The following SLIT3 variants were observed in gnomAD, a reference collection of about 807,000 sequenced individuals.
SLIT3 encodes slit guidance ligand 3, also known as slit homolog 3 protein.
SLIT3 carries 68 observed loss-of-function variants against 184.0 expected under a neutral mutation model. The ratio of observed to expected loss-of-function variants is 0.37; its 90% confidence interval spans 0.30 to 0.45. The LOEUF (loss-of-function observed/expected upper bound fraction) is 0.45, where lower values mean the gene tolerates loss of function less well. Ranked by LOEUF, SLIT3 falls within the 20% of genes least tolerant of loss-of-function variation. The probability of loss-of-function intolerance (pLI) is 1.00; values close to 1 mark genes in which losing one functional copy is unlikely to be tolerated. For synonymous variants in SLIT3, 831 were observed against 828.6 expected, an observed-to-expected ratio of 1.00 and a Z score of -0.05; for missense variants, 1,707 against 2,026.0, an observed-to-expected ratio of 0.84 and a Z score of 3.02.
intron 4 of SLIT3, among the ~76,000 whole-genome samples, chr5:169,142,005 G>A (rs915291204): frequency 2.0e-5 from 3 of 150,480 alleles, no homozygotes; most frequent in African/African-American, 2.4e-5. Flanking sequence ...AGCCAAGATC[G>A]CACCAGTGCA....
intron 4 of SLIT3, among the ~76,000 whole-genome samples, chr5:169,019,571 A>C (rs897926830): frequency 6.6e-6 from 1 of 152,192 alleles, no homozygotes; most frequent in African/African-American, 2.4e-5. Context: ...AAGTAGTTAC[A>C]TCCACAAATG....
At chr5:168,689,490 A>G (rs887642168) in intron 29 of SLIT3, among the ~76,000 whole-genome samples, 1 of 152,226 alleles carries the variant, frequency 6.6e-6, no homozygotes, top group Non-Finnish European at 1.5e-5. Context: ...ATATGTGTGC[A>G]TGGAGGTGGC....
chr5:169,222,547 C>A (rs1173687411), intron 3 of SLIT3, among the ~76,000 whole-genome samples: 4 of 152,122 alleles, frequency 2.6e-5, no homozygotes, highest in African/African-American at 4.8e-5. Flanking sequence ...AGGATCTAAT[C>A]TAAGCAAATT....
At chr5:168,960,655 C>T (rs1244231044) in intron 4 of SLIT3, among the ~76,000 whole-genome samples, 1 of 152,194 alleles carries the variant, frequency 6.6e-6, no homozygotes, top group Admixed American at 6.5e-5. Context: ...GCCGAAGTTA[C>T]CTTCTTGGGT....
chr5:168,939,457 G>A (rs2113200365), intron 4 of SLIT3, among the ~76,000 whole-genome samples: 1 of 152,258 alleles, frequency 6.6e-6, no homozygotes, highest in Non-Finnish European at 1.5e-5. Context: ...GGCTTAAGAT[G>A]ATCTAAGTAG....
chr5:168,697,452 A>G (rs1387702612), intron 27 of SLIT3, among the ~76,000 whole-genome samples: 1 of 152,192 alleles, frequency 6.6e-6, no homozygotes, highest in Non-Finnish European at 1.5e-5. Context: ...GTGAGCATCC[A>G]TCTGATTAAA....
In SLIT3 at chr5:168,765,005, G is replaced by A. The variant is rs577425156; in HGVS notation, c.1460-2316C>T. ...CGCACCAGTGGATCCACAGAGTGAT[G>A]GCACGAAGGGGCATTGCACACACAT... On this transcript the variant is annotated intron_variant, in intron 14 of 35. Transcript: ENST00000519560. Among the ~76,000 whole-genome samples, 18 of 152,302 alleles carry A rather than the reference G, an allele frequency of 1.2e-4. No individual in the cohort carries two copies. The South Asian group carries it at 3.7e-3, about 32-fold the overall frequency.
intron 4 of SLIT3, among the ~76,000 whole-genome samples, chr5:168,884,412 C>T (rs1760091307): frequency 1.8e-5 from 1 of 54,470 alleles, no homozygotes; most frequent in Admixed American, 2.2e-4. Context: ...TAAAAGGTGT[C>T]TCTCTCTCTC....
chr5:168,949,763 C>A (rs1179749906), intron 4 of SLIT3, among the ~76,000 whole-genome samples: 1 of 152,060 alleles, frequency 6.6e-6, no homozygotes, highest in Non-Finnish European at 1.5e-5. Context: ...CCACACCCAG[C>A]TAATTTTTTG....
intron 4 of SLIT3, among the ~76,000 whole-genome samples, chr5:168,884,402 T>C (rs991341743): frequency 2.5e-5 from 3 of 119,108 alleles, no homozygotes; most frequent in African/African-American, 9.0e-5. Flanking sequence ...TCTTCAGATA[T>C]AAAAGGTGTC....
In SLIT3 at chr5:168,946,852, C is replaced by T. The variant is rs755845283; in HGVS notation, c.414-63516G>A. The stretch of plus-strand genomic sequence containing the variant: ...ACTGGAACACACAGCTGCTCCCCTC[C>T]CCTTCGAACACCTCTCCATTTGCAA... On this transcript the variant is annotated intron_variant, in intron 4 of 35. Coordinates refer to ENST00000519560, the MANE Select transcript of SLIT3 (RefSeq NM_003062.4). Among the ~76,000 whole-genome samples, 6 of 152,200 alleles carry T rather than the reference C, an allele frequency of 3.9e-5. 1 individual carries two copies. The highest frequency in any genetic ancestry group is 8.8e-5 in the Non-Finnish European group (6 of 68,026).
chr5:168,766,946 A>G (rs1401907511), intron 14 of SLIT3, among the ~76,000 whole-genome samples: 1 of 152,234 alleles, frequency 6.6e-6, no homozygotes. Flanking sequence ...AAATGTTCTA[A>G]TTCAAGGCAA....
intron 4 of SLIT3, among the ~76,000 whole-genome samples, chr5:168,972,712 C>A (rs1396007709): frequency 1.3e-5 from 2 of 152,132 alleles, no homozygotes; most frequent in East Asian, 1.9e-4. Flanking sequence ...TCCTTCCTTC[C>A]TCTTGCTGTC....
intron 4 of SLIT3, among the ~76,000 whole-genome samples, chr5:168,893,512 G>T (rs976187493): frequency 6.6e-6 from 1 of 152,090 alleles, no homozygotes; most frequent in African/African-American, 2.4e-5. Flanking sequence ...GAGGAGAGGG[G>T]GAGGCAAATT....
In SLIT3 at chr5:168,696,511, C is replaced by G. The variant is rs903439037; in HGVS notation, c.2943-80G>C. ...GGTTGGGATGGCAGAGAGGAAGACA[C>G]GGGTGGGAAATACAATTAGTTTTTC... is the stretch of plus-strand genomic sequence containing the variant. On this transcript the variant is annotated intron_variant, in intron 27 of 35. Coordinates refer to ENST00000519560, the MANE Select transcript of SLIT3 (RefSeq NM_003062.4). 2.6e-6 allele frequency: 4 copies of G among 1,529,408 alleles called. No homozygotes were observed. In the African/African-American group the frequency reaches 4.1e-5, roughly 16 times the overall value. The allele number at this position is 1,529,408 out of a possible 1,614,324, so 94.7% of individuals were successfully genotyped here.
chr5:169,187,288 T>C (rs1329145596), intron 4 of SLIT3, among the ~76,000 whole-genome samples: 1 of 151,788 alleles, frequency 6.6e-6, no homozygotes, highest in Non-Finnish European at 1.5e-5. Context: ...AATTTTTGTG[T>C]TTTTAGTAGA....
intron 4 of SLIT3, among the ~76,000 whole-genome samples, chr5:169,007,538 G>C (rs774846495): frequency 2.6e-5 from 4 of 152,236 alleles, no homozygotes; most frequent in Non-Finnish European, 4.4e-5. Flanking sequence ...TAGGTAAGTA[G>C]TTTGCATGAC....
chr5:169,244,959 G>T (rs941513183), intron 2 of SLIT3, among the ~76,000 whole-genome samples, 183 bp from the exon 3 acceptor site: 16 of 152,210 alleles, frequency 1.1e-4, no homozygotes, highest in Non-Finnish European at 2.2e-4. Flanking sequence ...GGTAACCAGG[G>T]TTTTGCCGCC....
intron 4 of SLIT3, chr5:169,013,040 G>C (rs1157854652): frequency 6.6e-6 from 1 of 152,248 alleles, no homozygotes; most frequent in Non-Finnish European, 1.5e-5. Context: ...AAAAATGTGA[G>C]CGATTAAAAG....
Sources: gnomAD v4.1 joint callset for allele counts (sites outside exome capture counted in the v4.1 genomes callset) on GRCh38, gnomAD v4.1.1 for gene constraint, MANE v1.5 for transcripts, NCBI Gene and HGNC (gene_info 2026-07-23, HGNC 2026-07-21) for gene names.